KLF17: variants seen among roughly 807,000 people sequenced by gnomAD.
The protein encoded by KLF17 is KLF transcription factor 17, also known as Krueppel-like factor 17.
KLF17 carries 31 observed loss-of-function variants against 34.2 expected under a neutral mutation model. The ratio of observed to expected loss-of-function variants is 0.91; its 90% CI spans 0.68 to 1.22. KLF17 has a LOEUF of 1.22. Ranked by LOEUF, KLF17 falls within the 50% of genes most tolerant of loss-of-function variation. The probability of loss-of-function intolerance (pLI) is 0.00; values close to 1 mark genes in which losing one functional copy is unlikely to be tolerated. For synonymous variants in KLF17, 179 were observed against 186.7 expected, an observed-to-expected ratio of 0.96 and a Z score of 0.34; for missense variants, 478 against 505.2, an observed-to-expected ratio of 0.95 and a Z score of 0.52.
chr1:44,066,346 C>A, the KLF17 span, among the ~76,000 whole-genome samples: 4 of 145,250 alleles, frequency 2.8e-5, no homozygotes, highest in South Asian at 2.2e-4. Context: ...ACCCTCCCCC[C>A]AAAAAAAACA....
chr1:44,096,087 G>A, the KLF17 span, among the ~76,000 whole-genome samples: 9 of 151,928 alleles, frequency 5.9e-5, no homozygotes, highest in Middle Eastern at 3.4e-3. Flanking sequence ...GACTACAGGC[G>A]TGTGTCACCA....
the KLF17 span, chr1:44,103,760 C>G: frequency 8.7e-7 from 1 of 1,153,578 alleles, no homozygotes; most frequent in Non-Finnish European, 1.3e-6. Context: ...CCTCAGGCTG[C>G]TCGGCATCTG....
the KLF17 span, chr1:44,103,392 G>T: frequency 3.6e-3 from 2,729 of 762,884 alleles, 10 homozygotes; most frequent in Non-Finnish European, 4.9e-3. Context: ...CACAACCACG[G>T]CCCTGGTGGA....
At position 44,134,957 on chromosome 1, in the gene KLF17, C is replaced by T. The variant is rs144502434; in HGVS notation, c.*1720C>T. On this transcript the variant is annotated 3_prime_UTR_variant, in exon 4 of 4. Coordinates refer to ENST00000372299, the MANE Select transcript of KLF17 (RefSeq NM_173484.4). The stretch of plus-strand genomic sequence containing the variant: ...GTTTTCCATTGATTGTGATATCTAT[C>T]ATACCTGCAAAAAATATTTTGTATA... The T allele has an allele frequency of 6.6e-6, 1 of 151,924 alleles. No individual in the cohort carries two copies. Among genetic ancestry groups the T allele is most frequent in the East Asian group, 1.9e-4 (1 of 5,172 alleles). 9.4% of individuals were successfully genotyped at this position (151,924 alleles called of 1,614,324 possible).
At chr1:44,103,405 T>C in the KLF17 span, 1 of 770,060 alleles carries the variant, frequency 1.3e-6, no homozygotes, top group East Asian at 2.5e-5. Flanking sequence ...CTGGTGGAGC[T>C]GGTGCGGCTG....
the KLF17 span, among the ~76,000 whole-genome samples, chr1:44,056,964 C>A: frequency 6.6e-6 from 1 of 151,912 alleles, no homozygotes; most frequent in African/African-American, 2.4e-5. Context: ...ACCCTGCTAC[C>A]CTGTTGATGG....
chr1:44,071,925 A>G, the KLF17 span, among the ~76,000 whole-genome samples: 1 of 147,354 alleles, frequency 6.8e-6, no homozygotes, highest in Non-Finnish European at 1.5e-5. Context: ...CCCCCATCAC[A>G]CTGTTGCTCC....
the KLF17 span, among the ~76,000 whole-genome samples, chr1:44,070,865 A>C: frequency 6.6e-6 from 1 of 152,002 alleles, no homozygotes; most frequent in Non-Finnish European, 1.5e-5. Context: ...TTTGCAAGTA[A>C]GTTAACTGCA....
the KLF17 span, among the ~76,000 whole-genome samples, chr1:44,097,267 G>A: frequency 3.3e-5 from 5 of 152,226 alleles, no homozygotes; most frequent in East Asian, 9.7e-4. Context: ...GGTTACTGTA[G>A]CCTTGTAGTA....
At chr1:44,050,298 G>A in the KLF17 span, among the ~76,000 whole-genome samples, 3 of 152,138 alleles carry the variant, frequency 2.0e-5, no homozygotes, top group East Asian at 5.8e-4. Flanking sequence ...TTGGACTCCG[G>A]ACCAGATTGA....
At chr1:44,075,516 T>C in the KLF17 span, among the ~76,000 whole-genome samples, 2 of 152,192 alleles carry the variant, frequency 1.3e-5, no homozygotes, top group Middle Eastern at 3.2e-3. Context: ...ATACAAATAT[T>C]ATTAGACCGG....
At chr1:44,061,323 T>C in the KLF17 span, 1 of 152,202 alleles carries the variant, frequency 6.6e-6, no homozygotes, top group African/African-American at 2.4e-5. Flanking sequence ...CAACCTTCTG[T>C]AGTCCCTTTA....
the KLF17 span, among the ~76,000 whole-genome samples, chr1:44,084,828 C>A: frequency 1.3e-5 from 2 of 150,870 alleles, no homozygotes; most frequent in Non-Finnish European, 2.9e-5. Context: ...AATCTCAGCA[C>A]TTTAGGAGGC....
At chr1:44,103,541 A>G in the KLF17 span, 4 of 1,369,768 alleles carry the variant, frequency 2.9e-6, no homozygotes, top group Non-Finnish European at 4.1e-6. Context: ...TCGTATGGAT[A>G]CTCCTGTTCT....
the KLF17 span, among the ~76,000 whole-genome samples, chr1:44,094,304 C>A: frequency 6.6e-6 from 1 of 151,912 alleles, no homozygotes; most frequent in Non-Finnish European, 1.5e-5. Context: ...TGTCTCTTTT[C>A]TTTGTTAATT....
chr1:44,102,603 C>G, the KLF17 span, among the ~76,000 whole-genome samples: 3 of 101,312 alleles, frequency 3.0e-5, no homozygotes, highest in Admixed American at 1.0e-4. Context: ...CACACACACA[C>G]ACACACACAC....
At chr1:44,111,788 G>T in the KLF17 span, among the ~76,000 whole-genome samples, 6 of 152,150 alleles carry the variant, frequency 3.9e-5, no homozygotes, top group African/African-American at 1.4e-4. Flanking sequence ...AGCTACTCCG[G>T]AGGCTGAGAC....
chr1:44,092,020 G>A, the KLF17 span, among the ~76,000 whole-genome samples: 5 of 112,430 alleles, frequency 4.4e-5, no homozygotes, highest in South Asian at 3.1e-4. Flanking sequence ...AATTTAAAAA[G>A]AACTACTGCA....
At chr1:44,087,769 TACACACACACAC>T in the KLF17 span, among the ~76,000 whole-genome samples, 3 of 52,292 alleles carry the variant, frequency 5.7e-5, no homozygotes, top group African/African-American at 2.1e-4. Context: ...TATATATATA[TACACACACACAC>T]ACACACACAC....
Sources: gnomAD v4.1 joint callset for allele counts (sites outside exome capture counted in the v4.1 genomes callset) on GRCh38, gnomAD v4.1.1 for gene constraint, MANE v1.5 for transcripts, NCBI Gene and HGNC (gene_info 2026-07-23, HGNC 2026-07-21) for gene names.